IL12RB2: variants seen among roughly 807,000 people sequenced by gnomAD.
IL12RB2 encodes the protein interleukin-12 receptor subunit beta-2.
Under a neutral mutation model 89.4 loss-of-function variants are expected in IL12RB2, and 82 were observed. That is an observed-to-expected ratio of 0.92 (90% CI 0.77 to 1.10). IL12RB2 has a LOEUF of 1.10. Ranked by LOEUF, IL12RB2 falls within the 50% of genes least tolerant of loss-of-function variation. The probability of loss-of-function intolerance (pLI) is 0.00; values close to 1 mark genes in which losing one functional copy is unlikely to be tolerated. For synonymous variants in IL12RB2, 368 were observed against 370.1 expected, an observed-to-expected ratio of 0.99 and a Z score of 0.07; for missense variants, 963 against 1,031.9, an observed-to-expected ratio of 0.93 and a Z score of 0.92.
chr1:67,316,132 C>A (rs1242471126), intron 2 of IL12RB2, among the ~76,000 whole-genome samples: 2 of 152,152 alleles, frequency 1.3e-5, no homozygotes, highest in East Asian at 3.8e-4. Context: ...CAAATTGTGG[C>A]CTCTGCCCCT....
At chr1:67,354,335 T>C (rs78319644) in intron 10 of IL12RB2, among the ~76,000 whole-genome samples, 2 of 151,836 alleles carry the variant, frequency 1.3e-5, no homozygotes, top group Non-Finnish European at 1.5e-5. Flanking sequence ...GAACCAGAGA[T>C]AAGGAAGAAG....
At chr1:67,336,612 A>T (rs1463360807) in intron 8 of IL12RB2, among the ~76,000 whole-genome samples, 1 of 152,240 alleles carries the variant, frequency 6.6e-6, no homozygotes, top group Non-Finnish European at 1.5e-5. Context: ...TTTAGAAAAA[A>T]ACAAAAAAGA....
chr1:67,327,138 T>G (rs1057058156), intron 5 of IL12RB2, among the ~76,000 whole-genome samples: 4 of 151,966 alleles, frequency 2.6e-5, no homozygotes, highest in Non-Finnish European at 4.4e-5. Context: ...TTTTTGTATT[T>G]TTAGCAGAGA....
intron 15 of IL12RB2, among the ~76,000 whole-genome samples, chr1:67,387,064 G>C (rs1467940132): frequency 6.6e-6 from 1 of 151,386 alleles, no homozygotes; most frequent in Non-Finnish European, 1.5e-5. Context: ...GAGTAGCTGG[G>C]ATTACAGGTG....
Position 67,386,613 on chromosome 1 carries a change from C to T in IL12RB2, c.1890C>T (p.Ser630=), listed in dbSNP as rs927653634. The change falls in exon 15 of 17, where the codon AGC becomes AGT. Residue 630 remains serine (S), a synonymous_variant. Transcript: ENST00000674203. ...KANWMAFVAP[S]ICIAIIMVGI... is the part of the protein sequence containing the mutation. ...ATTGGATGGCGTTTGTGGCACCAAG[C>T]ATTTGCATTGCTATCATCATGGTGG... The T allele has an allele frequency of 6.2e-7, 1 of 1,613,694 alleles. No homozygotes were observed. Among genetic ancestry groups the T allele is most frequent in the African/African-American group, 1.3e-5 (1 of 74,976 alleles).
chr1:67,321,989 T>A (rs1418965837), intron 4 of IL12RB2, 100 bp downstream of exon 4: 2 of 994,628 alleles, frequency 2.0e-6, no homozygotes, highest in Non-Finnish European at 3.2e-6. Context: ...CAGGTTAATG[T>A]TCTTTCTTTT....
Position 67,328,499 on chromosome 1 carries a change from G to T in IL12RB2, c.664+115G>T, listed in dbSNP as rs149238828. On this transcript the variant is annotated intron_variant, in intron 6 of 16. Transcript: ENST00000674203. The stretch of plus-strand genomic sequence containing the variant: ...GAGATTGATGGAAATTGGCCAACAG[G>T]CATAAGCAAAAGATAGAAGTTACTT... 249 of 1,559,722 alleles carry T rather than the reference G, an allele frequency of 1.6e-4. No individual in the cohort carries two copies. In the Middle Eastern group the frequency reaches 1.6e-3, roughly 10 times the overall value.
chr1:67,378,954 TTGG>T (rs1162584647), intron 13 of IL12RB2, among the ~76,000 whole-genome samples: 1 of 151,948 alleles, frequency 6.6e-6, no homozygotes, highest in Non-Finnish European at 1.5e-5. Context: ...TCCCAGCACT[TTGG>T]GAGGCTGAGG....
At chr1:67,385,209 A>G (rs1665008112) in intron 14 of IL12RB2, among the ~76,000 whole-genome samples, 1 of 152,240 alleles carries the variant, frequency 6.6e-6, no homozygotes, top group African/African-American at 2.4e-5. Context: ...ATAATTCAGC[A>G]TGGCTAGGGA....
At chr1:67,360,705 A>G (rs1661943664) in intron 10 of IL12RB2, among the ~76,000 whole-genome samples, 1 of 151,862 alleles carries the variant, frequency 6.6e-6, no homozygotes, top group Non-Finnish European at 1.5e-5. Flanking sequence ...CTAAGGCAGG[A>G]GAATCACTTG....
chr1:67,362,971 C>T lies in IL12RB2; in HGVS notation c.1259-4854C>T, dbSNP rs573816821. On this transcript the variant is annotated intron_variant, in intron 10 of 16. Transcript: ENST00000674203. ...ATGCTGGAGTGCAGTGGCATGATCTCGGCTCACTGCAACTTCCAACTCCCT... is the reference window on the plus strand; with the variant it reads ...ATGCTGGAGTGCAGTGGCATGATCTTGGCTCACTGCAACTTCCAACTCCCT... Among the ~76,000 whole-genome samples, 40 of 150,862 alleles carry T rather than the reference C, an allele frequency of 2.7e-4. 1 individual carries two copies. The Middle Eastern group carries it at 0.014, about 52-fold the overall frequency.
chr1:67,395,032 C>T (rs1193609078), intron 16 of IL12RB2, among the ~76,000 whole-genome samples: 1 of 152,084 alleles, frequency 6.6e-6, no homozygotes, highest in African/African-American at 2.4e-5. Context: ...CTTTGGGAGG[C>T]CAAGGTGGGT....
chr1:67,352,667 A>G (rs905126384), intron 10 of IL12RB2, among the ~76,000 whole-genome samples: 22 of 152,234 alleles, frequency 1.4e-4, no homozygotes. Context: ...ATCTCTCTCT[A>G]TATTTATCAA....
intron 9 of IL12RB2, among the ~76,000 whole-genome samples, chr1:67,343,872 T>C (rs912233666): frequency 1.3e-5 from 2 of 152,228 alleles, no homozygotes; most frequent in African/African-American, 4.8e-5. Flanking sequence ...AAGAGAAATA[T>C]TCATGTTAAG....
At position 67,380,262 on chromosome 1, in the gene IL12RB2, T is replaced by C. The variant is rs893279442; in HGVS notation, c.1855+139T>C. On this transcript the variant is annotated intron_variant, in intron 14 of 16. Transcript: ENST00000674203. Reference sequence around the variant, plus strand: ...CTTGCTGTCACTTTACACTTGCTGTTTCTCCTAAATAGAATGCTTTACCAC... The same window carrying C: ...CTTGCTGTCACTTTACACTTGCTGTCTCTCCTAAATAGAATGCTTTACCAC... The C allele has an allele frequency of 6.6e-5, 55 of 827,098 alleles. No individual in the cohort carries two copies. The African/African-American group carries it at 8.8e-4, about 13-fold the overall frequency. 51.2% of individuals were successfully genotyped at this position (827,098 alleles called of 1,614,324 possible).
At chr1:67,322,747 G>A (rs1008089066) in intron 4 of IL12RB2, among the ~76,000 whole-genome samples, 2 of 152,208 alleles carry the variant, frequency 1.3e-5, no homozygotes, top group Non-Finnish European at 2.9e-5. Context: ...CTGCTGACTT[G>A]CATTGCTGGT....
chr1:67,347,934 T>G (rs1309786543), intron 9 of IL12RB2, among the ~76,000 whole-genome samples: 2 of 152,170 alleles, frequency 1.3e-5, no homozygotes, highest in Non-Finnish European at 2.9e-5. Flanking sequence ...CGTTCCTTAA[T>G]GTCCCCAAGC....
chr1:67,357,363 G>A (rs1430990716), intron 10 of IL12RB2, among the ~76,000 whole-genome samples: 1 of 152,116 alleles, frequency 6.6e-6, no homozygotes, highest in Non-Finnish European at 1.5e-5. Context: ...GGGTGACAGA[G>A]TGAGATTCTG....
intron 9 of IL12RB2, among the ~76,000 whole-genome samples, chr1:67,349,581 T>C (rs1478272016): frequency 6.6e-6 from 1 of 152,192 alleles, no homozygotes. Flanking sequence ...AAAGGCAGAA[T>C]GTCCACACAA....
Sources: gnomAD v4.1 joint callset for allele counts (sites outside exome capture counted in the v4.1 genomes callset) on GRCh38, gnomAD v4.1.1 for gene constraint, MANE v1.5 for transcripts, NCBI Gene and HGNC (gene_info 2026-07-23, HGNC 2026-07-21) for gene names.